SLC26A4: variants seen among roughly 807,000 people sequenced by gnomAD.
The protein encoded by SLC26A4 is pendrin.
Under a neutral mutation model 90.4 loss-of-function variants are expected in SLC26A4, and 93 were observed. The ratio of observed to expected loss-of-function variants is 1.03; its 90% CI spans 0.87 to 1.22. The LOEUF is 1.22. SLC26A4 is among the 50% of genes most tolerant of loss of function. The pLI, the probability that SLC26A4 is intolerant of heterozygous loss-of-function variation, is 0.00. For missense variants in SLC26A4, 1,127 were observed against 946.2 expected (o/e 1.19, Z -2.51); for synonymous variants, 393 against 354.6 (o/e 1.11, Z -1.22).
chr7:107,692,223 C>A, intron 10 of SLC26A4: 2 of 522,748 alleles, frequency 3.8e-6, no homozygotes, highest in Middle Eastern at 3.7e-4. Context: ...AAGAATGAAA[C>A]GAGTAAAGAA....
intron 4 of SLC26A4, among the ~76,000 whole-genome samples, chr7:107,672,855 T>C (rs917061343): frequency 1.3e-5 from 2 of 152,230 alleles, no homozygotes; most frequent in Non-Finnish European, 2.9e-5. Flanking sequence ...TGTTAGAATG[T>C]CCTAGTAAAT....
intron 11 of SLC26A4, 34 bp from the exon 12 acceptor site, chr7:107,694,587 T>C (rs779284109): frequency 5.1e-6 from 8 of 1,572,524 alleles, no homozygotes; most frequent in Non-Finnish European, 7.0e-6. Flanking sequence ...AACCATTCCC[T>C]GAATAACACA....
rs1448514878 is a variant in SLC26A4 at position 107,717,444 on chromosome 7, G to T, written c.*1998G>T. The T allele has an allele frequency of 6.6e-6, 1 of 150,404 alleles. No individual in the cohort carries two copies. Among genetic ancestry groups the T allele is most frequent in the Admixed American group, 6.6e-5 (1 of 15,044 alleles). 9.3% of individuals were successfully genotyped at this position (150,404 alleles called of 1,614,324 possible). The stretch of plus-strand genomic sequence containing the variant: ...GAATGAATACCTTTGTTCAATAAAG[G>T]AAATATGCACTGCTCACTTTTTTGA... On this transcript the variant is annotated 3_prime_UTR_variant, in exon 21 of 21. Transcript: ENST00000644269.
chr7:107,697,569 T>C (rs2129317444), intron 13 of SLC26A4, among the ~76,000 whole-genome samples: 1 of 152,242 alleles, frequency 6.6e-6, no homozygotes, highest in East Asian at 1.9e-4. Context: ...CCTATTTCTA[T>C]AAAAAATGAC....
At chr7:107,703,670 A>T (rs1281749964) in intron 17 of SLC26A4, among the ~76,000 whole-genome samples, 1 of 152,224 alleles carries the variant, frequency 6.6e-6, no homozygotes, top group Admixed American at 6.5e-5. Context: ...CAAATATTAT[A>T]ATGACAGTTA....
At chr7:107,686,384 TCC>T (rs1562831084) in intron 8 of SLC26A4, among the ~76,000 whole-genome samples, 4 of 141,632 alleles carry the variant, frequency 2.8e-5, no homozygotes, top group Non-Finnish European at 6.2e-5. Flanking sequence ...TCCCCTTCCT[TCC>T]TTCCTTCCTC....
chr7:107,663,065 G>A (rs914567445), intron 2 of SLC26A4, among the ~76,000 whole-genome samples: 7 of 152,164 alleles, frequency 4.6e-5, no homozygotes, highest in Non-Finnish European at 5.9e-5. Context: ...AAATGTGAGC[G>A]AGGGGTGGGA....
In SLC26A4 at chr7:107,661,673, C is replaced by A. The variant is rs1464881318; in HGVS notation, c.32C>A (p.Pro11Gln). The change falls in exon 2 of 21, where the codon CCG (proline) becomes CAG (glutamine). Residue 11 changes from proline to glutamine, a missense_variant. Transcript: ENST00000644269. This position sits in a 1 kb window ranked among gnomAD's most constrained non-coding sequence, Gnocchi z 5.1. Reference sequence around the variant, plus strand: ...GCGCCAGGCGGCAGGTCGGAGCCGCCGCAGCTCCCCGAGTACAGCTGCAGC... The same window carrying A: ...GCGCCAGGCGGCAGGTCGGAGCCGCAGCAGCTCCCCGAGTACAGCTGCAGC... MAAPGGRSEP[P>Q]QLPEYSCSYM... is the part of the protein sequence containing the mutation. 2 of 1,570,566 alleles carry A rather than the reference C, an allele frequency of 1.3e-6. No individual in the cohort carries two copies. The highest frequency in any genetic ancestry group is 2.3e-5 in the East Asian group (1 of 43,130).
chr7:107,709,822 G>A (rs1489213391), intron 18 of SLC26A4, among the ~76,000 whole-genome samples: 1 of 152,152 alleles, frequency 6.6e-6, no homozygotes, highest in Admixed American at 6.5e-5. Context: ...CTTAGTATAG[G>A]TTGATGCTTT....
intron 3 of SLC26A4, among the ~76,000 whole-genome samples, chr7:107,670,655 G>A (rs1790840537): frequency 6.6e-6 from 1 of 152,096 alleles, no homozygotes; most frequent in Admixed American, 6.5e-5. Flanking sequence ...CATCTGATAA[G>A]TAATATTGAG....
chr7:107,663,704 G>A (rs1790634618), intron 3 of SLC26A4, among the ~76,000 whole-genome samples: 2 of 152,132 alleles, frequency 1.3e-5, no homozygotes, highest in African/African-American at 2.4e-5. Flanking sequence ...TTTTATTTGA[G>A]ACGGGGGCTC....
At chr7:107,680,417 T>C (rs1351664441) in intron 6 of SLC26A4, among the ~76,000 whole-genome samples, 1 of 144,966 alleles carries the variant, frequency 6.9e-6, no homozygotes, top group Non-Finnish European at 1.5e-5. Context: ...TTATATAATC[T>C]TATATTATTA....
intron 6 of SLC26A4, among the ~76,000 whole-genome samples, chr7:107,676,770 C>T (rs1353451427): frequency 6.6e-6 from 1 of 152,154 alleles, no homozygotes; most frequent in Non-Finnish European, 1.5e-5. Flanking sequence ...GTGCCATAAT[C>T]CCATACTATT....
At chr7:107,703,542 A>C (rs1791955833) in intron 17 of SLC26A4, among the ~76,000 whole-genome samples, 1 of 152,346 alleles carries the variant, frequency 6.6e-6, no homozygotes, top group African/African-American at 2.4e-5. Flanking sequence ...TTTCACTCTA[A>C]GCATTGGCTG....
At chr7:107,694,558 T>C in intron 11 of SLC26A4, 63 bp from the exon 12 acceptor site, 2 of 1,531,104 alleles carry the variant, frequency 1.3e-6, no homozygotes, top group Non-Finnish European at 9.1e-7. Context: ...ACAGGAGATT[T>C]AACAATCATC....
At chr7:107,684,903 G>T (rs1584319334) in intron 8 of SLC26A4, among the ~76,000 whole-genome samples, 1 of 152,164 alleles carries the variant, frequency 6.6e-6, no homozygotes, top group Non-Finnish European at 1.5e-5. Context: ...CACAGAGCAG[G>T]CCCTGTCCCA....
At chr7:107,690,659 C>T (rs902353740) in intron 10 of SLC26A4, among the ~76,000 whole-genome samples, 1 of 152,128 alleles carries the variant, frequency 6.6e-6, no homozygotes, top group African/African-American at 2.4e-5. Context: ...TTAGAAGGAT[C>T]AGGAACTTCC....
chr7:107,668,609 A>T (rs1174012517), intron 3 of SLC26A4, among the ~76,000 whole-genome samples: 1 of 152,204 alleles, frequency 6.6e-6, no homozygotes. Flanking sequence ...TGTTATTAAA[A>T]CAAATTCCCA....
Position 107,700,135 on chromosome 7 carries a change from A to T in SLC26A4, c.1667A>T (p.Tyr556Phe). The change falls in exon 15 of 21, where the codon TAT (tyrosine) becomes TTT (phenylalanine). Residue 556 changes from tyrosine (Y) to phenylalanine (F), a missense_variant. Transcript: ENST00000644269. Reference protein sequence around the residue: ...KILRFSSPIFYGNVDGFKKCI... With the variant: ...KILRFSSPIFFGNVDGFKKCI... ...CTTAGATTTTCCAGTCCTATTTTCTATGGCAATGTCGATGGTTTTAAAAAA... is the reference window on the plus strand; with the variant it reads ...CTTAGATTTTCCAGTCCTATTTTCTTTGGCAATGTCGATGGTTTTAAAAAA... 1.3e-6 allele frequency: 2 copies of T among 1,594,748 alleles called. No individual in the cohort carries two copies. The highest frequency in any genetic ancestry group is 1.7e-6 in the Non-Finnish European group (2 of 1,162,426).
Sources: gnomAD v4.1 joint callset for allele counts (sites outside exome capture counted in the v4.1 genomes callset) on GRCh38, gnomAD v4.1.1 for gene constraint, Gnocchi (gnomAD v3.1) non-coding constraint, MANE v1.5 for transcripts, NCBI Gene and HGNC (gene_info 2026-07-23, HGNC 2026-07-21) for gene names.